Variants in CYP4A22 observed in about 807,000 individuals in gnomAD.
CYP4A22 encodes the protein cytochrome P450 family 4 subfamily A member 22.
In CYP4A22, 46 loss-of-function variants were observed where a neutral mutation model predicts 56.2. The observed-to-expected ratio is 0.82, with a 90% CI of 0.65 to 1.05. The LOEUF is 1.05. CYP4A22 is among the 50% of genes least tolerant of loss of function. The pLI, the probability that CYP4A22 is intolerant of heterozygous loss-of-function variation, is 0.00. For synonymous variants in CYP4A22, 193 were observed against 251.1 expected (o/e 0.77, Z 2.19); for missense variants, 541 against 645.9 (o/e 0.84, Z 1.76).
Position 47,137,475 on chromosome 1 carries a change from G to A in CYP4A22, c.-11G>A. Reference sequence around the variant, plus strand: ...GGAAGGGGCACTCAGAGATCCAGCAGGTGCTGCACCATGAGTGTCTCTGTC... The same window carrying A: ...GGAAGGGGCACTCAGAGATCCAGCAAGTGCTGCACCATGAGTGTCTCTGTC... On this transcript the variant is annotated 5_prime_UTR_variant, in exon 1 of 12. Transcript: ENST00000371891. 1.2e-6 allele frequency: 2 copies of A among 1,605,342 alleles called. No homozygotes were observed. The highest frequency in any genetic ancestry group is 1.7e-6 in the Non-Finnish European group (2 of 1,175,180).
rs566321881 is a variant in CYP4A22 at position 47,144,385 on chromosome 1, AC to A, written c.820del (p.Leu274TyrfsTer107). Reference protein sequence around the residue: ...DQVIQLRKAQLQKEGELEKIK... With the variant: ...DQVIQLRKAQXQKEGELEKIK... ...AAGTGATCCAACTGAGGAAGGCTCA[AC>A]TACAGAAGGAGGGGGAGCTGGAGAA... On this transcript the variant is annotated frameshift_variant, in exon 7 of 12. Coordinates refer to ENST00000371891, the MANE Select transcript of CYP4A22 (RefSeq NM_001010969.4). LOFTEE classifies it high-confidence loss of function. The A allele has an allele frequency of 1.8e-4, 288 of 1,613,976 alleles. No individual in the cohort carries two copies. In the East Asian group the frequency reaches 6.1e-3, roughly 34 times the overall value.
intron 1 of CYP4A22, among the ~76,000 whole-genome samples, chr1:47,139,186 G>A (rs970264783): frequency 1.7e-4 from 26 of 152,186 alleles, no homozygotes; most frequent in Admixed American, 1.6e-3. Context: ...ATATCTATCG[G>A]TCAAGGCCCA....
chr1:47,140,738 A>G (rs749922028), intron 1 of CYP4A22, 42 bp from the exon 2 acceptor site: 21 of 1,610,642 alleles, frequency 1.3e-5, no homozygotes, highest in South Asian at 7.7e-5. Flanking sequence ...TGCAAAGACT[A>G]GAAGTAAATG....
At chr1:47,142,624 G>A (rs1177938026) in intron 4 of CYP4A22, among the ~76,000 whole-genome samples, 1 of 152,200 alleles carries the variant, frequency 6.6e-6, no homozygotes, top group Non-Finnish European at 1.5e-5. Context: ...CACCCACCCA[G>A]GCTCTGGCCT....
At chr1:47,141,534 C>T (rs1226637258) in intron 2 of CYP4A22, 37 bp from the exon 3 acceptor site, 1 of 1,609,292 alleles carries the variant, frequency 6.2e-7, no homozygotes, top group South Asian at 1.1e-5. Context: ...TTCTTAGTAA[C>T]TCCTAGTTTC....
intron 2 of CYP4A22, 147 bp downstream of exon 2, chr1:47,141,068 C>T (rs563740511): frequency 3.1e-6 from 4 of 1,308,332 alleles, no homozygotes; most frequent in Admixed American, 2.6e-5. Context: ...CATGCCCAGG[C>T]TGTAGTCAAA....
chr1:47,148,855 C>T lies in CYP4A22; in HGVS notation c.*58C>T. The stretch of plus-strand genomic sequence containing the variant: ...CCCACTCCTATCTCCTGCCTGTCTG[C>T]CTCTGTCCTGCTTTCTGTCTGCCCA... On this transcript the variant is annotated 3_prime_UTR_variant, in exon 12 of 12. Transcript: ENST00000371891. 1 of 1,535,804 alleles carries T rather than the reference C, an allele frequency of 6.5e-7. No homozygotes were observed. The highest frequency in any genetic ancestry group is 2.3e-5 in the East Asian group (1 of 43,054).
intron 11 of CYP4A22, chr1:47,147,074 A>T (rs1645084024): frequency 1.0e-6 from 1 of 985,356 alleles, no homozygotes; most frequent in Admixed American, 6.1e-5. Flanking sequence ...CCTGTGACAT[A>T]CACACAGGCA....
At position 47,141,574 on chromosome 1, in the gene CYP4A22, C is replaced by A; in HGVS notation, c.341C>A (p.Pro114Gln). The A allele has an allele frequency of 1.9e-6, 3 of 1,613,586 alleles. No individual in the cohort carries two copies. Among genetic ancestry groups the A allele is most frequent in the Non-Finnish European group, 2.5e-6 (3 of 1,179,682 alleles). Residue 114 changes from proline to glutamine, a missense_variant, in exon 3 of 12, where the codon CCG (proline) becomes CAG (glutamine). Around this residue, in one of 3 missense-constraint regions of CYP4A22, gnomAD observed 335 missense variants for 361.2 expected, o/e 0.93. Transcript: ENST00000371891. ...AAAGCCCTTTCTTACTTTTCAGACCCGAAATCCCATGGATCCTACAAATTC... is the reference window on the plus strand; with the variant it reads ...AAAGCCCTTTCTTACTTTTCAGACCAGAAATCCCATGGATCCTACAAATTC... ...YMKVILGRSD[P>Q]KSHGSYKFLA... is the part of the protein sequence containing the mutation.
chr1:47,148,086 C>G (rs1337217622), intron 11 of CYP4A22, among the ~76,000 whole-genome samples: 1 of 152,142 alleles, frequency 6.6e-6, no homozygotes, highest in Non-Finnish European at 1.5e-5. Context: ...CAGTTCTCCT[C>G]CAGGAAGCCT....
At chr1:47,143,182 G>C in intron 4 of CYP4A22, 87 bp from the exon 5 acceptor site, 1 of 1,541,208 alleles carries the variant, frequency 6.5e-7, no homozygotes. Flanking sequence ...GAAAAAACAA[G>C]ATATCTGCAG....
At chr1:47,146,328 T>C in intron 11 of CYP4A22, 175 bp downstream of exon 11, 2 of 1,500,080 alleles carry the variant, frequency 1.3e-6, no homozygotes, top group Non-Finnish European at 1.8e-6. Flanking sequence ...AAAAGGAAGG[T>C]GGCATTCAGA....
chr1:47,143,537 C>T (rs1166292845), intron 5 of CYP4A22, 144 bp downstream of exon 5: 1 of 1,484,848 alleles, frequency 6.7e-7, no homozygotes, highest in African/African-American at 1.4e-5. Flanking sequence ...CCTGTCCAGA[C>T]CAAACAAAGT....
In CYP4A22 at chr1:47,149,191, C is replaced by T. The variant is rs1282446944; in HGVS notation, c.*394C>T. 6 of 166,380 alleles carry T rather than the reference C, an allele frequency of 3.6e-5. No homozygotes were observed. Among genetic ancestry groups the T allele is most frequent in the African/African-American group, 1.2e-4 (5 of 41,752 alleles). The allele number at this position is 166,380 out of a possible 1,614,324, so 10.3% of individuals were successfully genotyped here. A position where few individuals can be genotyped will look rare whatever the true frequency, so the allele number is the denominator to read the frequency against. ...TCTAAGCCCGGGGCATAAAACCCCT[C>T]GTGGCTTGGATAGAATCCAGGGCTC... is the stretch of plus-strand genomic sequence containing the variant. On this transcript the variant is annotated 3_prime_UTR_variant, in exon 12 of 12. Transcript: ENST00000371891.
rs1645032630 is a variant in CYP4A22 at position 47,143,207 on chromosome 1, C to G, written c.511-62C>G. The G allele has an allele frequency of 1.6e-4, 244 of 1,556,432 alleles. 4 individuals carry two copies. The South Asian group carries it at 2.8e-3, about 18-fold the overall frequency. On this transcript the variant is annotated intron_variant, in intron 4 of 11. Coordinates refer to ENST00000371891, the MANE Select transcript of CYP4A22 (RefSeq NM_001010969.4). ...GATATCTGCAGGTACATGAAAAAGC[C>G]AGGCCTTATTAGCAAAGCACTTCTT...
intron 1 of CYP4A22, among the ~76,000 whole-genome samples, chr1:47,138,103 T>G (rs951266301): frequency 6.6e-6 from 1 of 152,138 alleles, no homozygotes; most frequent in Admixed American, 6.5e-5. Flanking sequence ...GAGGACTCTG[T>G]GCCATGAGGA....
chr1:47,142,353 C>T (rs1483891894), intron 4 of CYP4A22, 118 bp downstream of exon 4: 1 of 1,429,858 alleles, frequency 7.0e-7, no homozygotes, highest in African/African-American at 1.4e-5. Context: ...GAACAACACT[C>T]TCAGGTCATT....
intron 4 of CYP4A22, 50 bp downstream of exon 4, chr1:47,142,285 C>T (rs1645020509): frequency 5.2e-6 from 8 of 1,539,602 alleles, no homozygotes; most frequent in Non-Finnish European, 6.1e-6. Context: ...AGCACACACT[C>T]TCACCAACTC....
Position 47,137,510 on chromosome 1 carries a change from A to G in CYP4A22, c.25A>G (p.Ser9Gly). ...CATGAGTGTCTCTGTCCTGAGCCCC[A>G]GCAGACGCCTGGGTGGTGTCTCCGG... is the stretch of plus-strand genomic sequence containing the variant. The part of the protein sequence containing the change: MSVSVLSP[S>G]RRLGGVSGIL... Residue 9 changes from serine (S) to glycine (G), a missense_variant, in exon 1 of 12, where the codon AGC (serine) becomes GGC (glycine). Ser to Gly is a moderately conservative substitution (Grantham distance 56). This residue lies in a region of CYP4A22 where 335 missense variants were observed against 361.2 expected (regional missense o/e 0.93). Transcript: ENST00000371891. 6.2e-7 allele frequency: 1 copy of G among 1,613,854 alleles called. No individual in the cohort carries two copies. Among genetic ancestry groups the G allele is most frequent in the Non-Finnish European group, 8.5e-7 (1 of 1,179,790 alleles).
Sources: allele counts gnomAD v4.1 joint callset (sites outside exome capture counted in the v4.1 genomes callset), GRCh38; gene constraint gnomAD v4.1.1; regional missense constraint gnomAD v4.1.1; transcripts MANE v1.5; gene names NCBI Gene and HGNC (gene_info 2026-07-23, HGNC 2026-07-21).